Variants in ADK observed in about 807,000 individuals in gnomAD.
The protein encoded by ADK is adenosine kinase.
ADK carries 24 observed loss-of-function variants against 44.7 expected under a neutral mutation model. The ratio of observed to expected loss-of-function variants is 0.54; its 90% CI spans 0.39 to 0.76. ADK has a LOEUF of 0.76. ADK is among the 30% of genes least tolerant of loss of function. ADK has a pLI of 0.00. For missense variants in ADK, 321 were observed against 425.1 expected, an observed-to-expected ratio of 0.76 and a Z score of 2.15; for synonymous variants, 128 against 142.6, an observed-to-expected ratio of 0.90 and a Z score of 0.73.
chr10:74,584,742 A>G (rs1051873402), intron 7 of ADK, among the ~76,000 whole-genome samples: 13 of 152,132 alleles, frequency 8.5e-5, no homozygotes, highest in Admixed American at 7.2e-4. Flanking sequence ...GCCTAAAACT[A>G]CACTTAGGAG....
At chr10:74,629,365 C>A (rs1319690144) in intron 9 of ADK, among the ~76,000 whole-genome samples, 1 of 151,962 alleles carries the variant, frequency 6.6e-6, no homozygotes, top group Non-Finnish European at 1.5e-5. Flanking sequence ...GAACTGTTAC[C>A]CCAACTGTAT....
intron 9 of ADK, among the ~76,000 whole-genome samples, chr10:74,668,145 G>A (rs992717964): frequency 6.6e-6 from 1 of 152,000 alleles, no homozygotes; most frequent in African/African-American, 2.4e-5. Flanking sequence ...GTACCTGTTT[G>A]GTTTTAGTTT....
At chr10:74,343,341 A>G (rs1210694096) in intron 4 of ADK, among the ~76,000 whole-genome samples, 1 of 152,200 alleles carries the variant, frequency 6.6e-6, no homozygotes, top group African/African-American at 2.4e-5. Context: ...AAAGTCAATT[A>G]CCACATATTT....
chr10:74,239,921 G>T (rs1845136314), intron 3 of ADK, among the ~76,000 whole-genome samples: 1 of 151,676 alleles, frequency 6.6e-6, no homozygotes, highest in South Asian at 2.1e-4. Context: ...AATTTGCTTT[G>T]TATGTAAAAA....
At chr10:74,178,810 C>T (rs1842437147) in intron 1 of ADK, among the ~76,000 whole-genome samples, 1 of 152,162 alleles carries the variant, frequency 6.6e-6, no homozygotes, top group South Asian at 2.1e-4. Flanking sequence ...CTCGAGAAAG[C>T]TCTTTTAGAT....
intron 3 of ADK, among the ~76,000 whole-genome samples, chr10:74,227,874 GT>G (rs1035638605): frequency 6.6e-6 from 1 of 151,830 alleles, no homozygotes; most frequent in African/African-American, 2.4e-5. Flanking sequence ...GCCTGATGAG[GT>G]GGTGTGTGCC....
At chr10:74,488,454 T>C (rs1268758068) in intron 6 of ADK, among the ~76,000 whole-genome samples, 1 of 150,938 alleles carries the variant, frequency 6.6e-6, no homozygotes, top group African/African-American at 2.4e-5. Flanking sequence ...CATAGGAGTG[T>C]TCATTTGTAC....
intron 6 of ADK, among the ~76,000 whole-genome samples, chr10:74,492,923 G>A (rs1294813651): frequency 6.6e-6 from 1 of 152,086 alleles, no homozygotes; most frequent in African/African-American, 2.4e-5. Context: ...CTTGTGGGAA[G>A]ATACTCTGAG....
chr10:74,647,792 G>T (rs1378567646), intron 9 of ADK, among the ~76,000 whole-genome samples: 1 of 152,076 alleles, frequency 6.6e-6, no homozygotes, highest in East Asian at 1.9e-4. Flanking sequence ...ACATTATAAT[G>T]CACATATAAT....
intron 1 of ADK, among the ~76,000 whole-genome samples, chr10:74,183,362 C>T (rs1372872606): frequency 6.6e-6 from 1 of 152,128 alleles, no homozygotes; most frequent in Non-Finnish European, 1.5e-5. Flanking sequence ...ACTTTGAGGC[C>T]AGGAGTTCAA....
intron 9 of ADK, among the ~76,000 whole-genome samples, chr10:74,629,930 G>T (rs761621272): frequency 6.6e-6 from 1 of 152,054 alleles, no homozygotes; most frequent in East Asian, 1.9e-4. Flanking sequence ...GACAGCTTGA[G>T]AATACATATC....
chr10:74,274,782 G>A (rs988440106), intron 3 of ADK, among the ~76,000 whole-genome samples: 10 of 86,458 alleles, frequency 1.2e-4, no homozygotes, highest in Non-Finnish European at 8.1e-5. Context: ...ATTTTTTGTA[G>A]AGACAGGGTC....
intron 7 of ADK, among the ~76,000 whole-genome samples, chr10:74,534,820 C>CA (rs1199595429): frequency 6.6e-6 from 1 of 152,200 alleles, no homozygotes; most frequent in Non-Finnish European, 1.5e-5. Context: ...AGGGAAAACT[C>CA]ACAGCTATTG....
chr10:74,366,270 T>C (rs577566221), intron 4 of ADK, among the ~76,000 whole-genome samples: 2 of 152,282 alleles, frequency 1.3e-5, no homozygotes, highest in East Asian at 1.9e-4. Flanking sequence ...TATACTAAAA[T>C]AGTACGTCTT....
Position 74,527,802 on chromosome 10 carries a change from A to C in ADK, c.726+2376A>C, listed in dbSNP as rs756344974. 990 of 1,501,022 alleles carry C rather than the reference A, an allele frequency of 6.6e-4. 2 individuals are homozygous for C. Among genetic ancestry groups the C allele is most frequent in the Non-Finnish European group, 8.4e-4 (903 of 1,076,896 alleles). The allele number at this position is 1,501,022 out of a possible 1,614,324, so 93.0% of individuals were successfully genotyped here. On this transcript the variant is annotated intron_variant, in intron 7 of 10. Coordinates refer to ENST00000539909, the MANE Select transcript of ADK (RefSeq NM_006721.4). ...GAAACCTGACATGTGGGCATACTTC[A>C]GCGATCCTTAATAGAGTGGCCCTCT...
chr10:74,192,553 G>T, intron 1 of ADK, among the ~76,000 whole-genome samples: 1 of 145,978 alleles, frequency 6.9e-6, no homozygotes, highest in Admixed American at 6.9e-5. Flanking sequence ...AAACAGATAT[G>T]GTTTTGCTCT....
chr10:74,500,672 A>G (rs1847858917), intron 6 of ADK, among the ~76,000 whole-genome samples: 1 of 152,240 alleles, frequency 6.6e-6, no homozygotes, highest in South Asian at 2.1e-4. Flanking sequence ...TCTGAGTAAT[A>G]TATGGTTTTT....
At chr10:74,454,870 A>G (rs1186872231) in intron 6 of ADK, among the ~76,000 whole-genome samples, 4 of 152,182 alleles carry the variant, frequency 2.6e-5, no homozygotes, top group Non-Finnish European at 4.4e-5. Flanking sequence ...TCTTTGGAGA[A>G]AAGATGCTCC....
chr10:74,559,109 C>T (rs1850366437), intron 7 of ADK, among the ~76,000 whole-genome samples: 1 of 152,234 alleles, frequency 6.6e-6, no homozygotes, highest in Non-Finnish European at 1.5e-5. Context: ...CAGCCTCATG[C>T]TCTGGGCTTC....
Sources: allele counts gnomAD v4.1 joint callset (sites outside exome capture counted in the v4.1 genomes callset), GRCh38; gene constraint gnomAD v4.1.1; transcripts MANE v1.5; gene names NCBI Gene and HGNC (gene_info 2026-07-23, HGNC 2026-07-21).